GFPT2: variants seen among roughly 807,000 people sequenced by gnomAD.
The protein encoded by GFPT2 is glutamine--fructose-6-phosphate aminotransferase [isomerizing] 2.
Under a neutral mutation model 85.6 loss-of-function variants are expected in GFPT2, and 62 were observed. The observed-to-expected ratio is 0.72, with a 90% confidence interval of 0.59 to 0.90. The LOEUF (loss-of-function observed/expected upper bound fraction) is 0.90. GFPT2 is among the 40% of genes least tolerant of loss of function. The pLI is 0.00. For missense variants in GFPT2, 788 were observed against 893.4 expected, an observed-to-expected ratio of 0.88 and a Z score of 1.50; for synonymous variants, 368 against 344.5, an observed-to-expected ratio of 1.07 and a Z score of -0.75.
chr5:180,322,529 G>A (rs1764139072), intron 9 of GFPT2, among the ~76,000 whole-genome samples: 1 of 152,142 alleles, frequency 6.6e-6, no homozygotes, highest in Non-Finnish European at 1.5e-5. Context: ...GGTCACGTGA[G>A]GTGACACCTG....
intron 16 of GFPT2, among the ~76,000 whole-genome samples, chr5:180,306,641 C>T (rs921095875): frequency 4.6e-5 from 7 of 152,158 alleles, no homozygotes; most frequent in Non-Finnish European, 7.3e-5. Flanking sequence ...TTAATTCCTG[C>T]AGGATCTCAA....
chr5:180,320,647 C>T (rs1764100660), intron 9 of GFPT2, among the ~76,000 whole-genome samples: 1 of 152,150 alleles, frequency 6.6e-6, no homozygotes. Context: ...GTGGCGGGCA[C>T]CTGTAATCCC....
chr5:180,336,449 GCT>G, intron 3 of GFPT2, 28 bp downstream of exon 3: 1 of 1,216,038 alleles, frequency 8.2e-7, no homozygotes, highest in Non-Finnish European at 1.2e-6. Flanking sequence ...CGCTGCAGCG[GCT>G]CCTCCCACTC....
chr5:180,317,824 T>C (rs992344030), intron 10 of GFPT2, among the ~76,000 whole-genome samples: 1 of 150,646 alleles, frequency 6.6e-6, no homozygotes, highest in African/African-American at 2.4e-5. Context: ...TTGAGTGGGA[T>C]TGGATGGTGC....
Position 180,302,560 on chromosome 5 carries a change from T to C in GFPT2, c.1867A>G (p.Lys623Glu), listed in dbSNP as rs760774871. 5 of 1,613,940 alleles carry C rather than the reference T, an allele frequency of 3.1e-6. No homozygotes were observed. In the East Asian group the frequency reaches 1.1e-4, roughly 36 times the overall value. The change falls in exon 18 of 19, where the codon AAG (lysine) becomes GAG (glutamate). Residue 623 changes from lysine to glutamate, a missense_variant. Transcript: ENST00000253778. ...AACTTGGAACTTTCAGTATCGTCCTTGGAGCACAGTATAATGGGGCGACCC... is the reference window on the plus strand; with the variant it reads ...AACTTGGAACTTTCAGTATCGTCCTCGGAGCACAGTATAATGGGGCGACCC... ...RQGRPIILCS[K>E]DDTESSKFAY...
chr5:180,305,680 C>A lies in GFPT2; in HGVS notation c.1675-741G>T, dbSNP rs62404923. Among the ~76,000 whole-genome samples, 1,245 of 152,164 alleles carry A rather than the reference C, an allele frequency of 8.2e-3. 40 individuals carry two copies. In the East Asian group the frequency reaches 0.094, roughly 12 times the overall value. ...CGCTTCTTCCTTCAGCAGACTCATG[C>A]GGAGGCATAGCTGCAATGTGCATCT... On this transcript the variant is annotated intron_variant, in intron 16 of 18. Coordinates refer to ENST00000253778, the MANE Select transcript of GFPT2 (RefSeq NM_005110.4).
At position 180,312,416 on chromosome 5, in the gene GFPT2, A is replaced by AT. The variant is rs1296833750; in HGVS notation, c.1546+13dup. 3.0e-6 allele frequency: 4 copies of AT among 1,347,958 alleles called. No individual in the cohort carries two copies. The South Asian group carries it at 4.7e-5, about 16-fold the overall frequency. 83.5% of individuals were successfully genotyped at this position (1,347,958 alleles called of 1,614,324 possible). ...TAGATCTGAAAACATGGAAAGCTGA[A>AT]TTCTAGAACATACCAGGTAAAGATC... On this transcript the variant is annotated intron_variant, in intron 15 of 18. Transcript: ENST00000253778.
At chr5:180,340,296 T>C (rs1764487240) in intron 1 of GFPT2, among the ~76,000 whole-genome samples, 1 of 152,034 alleles carries the variant, frequency 6.6e-6, no homozygotes, top group African/African-American at 2.4e-5. Flanking sequence ...AACCTCCGCC[T>C]CCCGGGTTCA....
chr5:180,353,276 G>A lies in GFPT2; in HGVS notation c.-59C>T, dbSNP rs1764754062. On this transcript the variant is annotated 5_prime_UTR_variant, in exon 1 of 19. Transcript: ENST00000253778. ...GGGGGTCTGCCCGTTCGGACGCTGGGGCTCCTCCGTGGGCTCCTCCGTGGG... is the reference window on the plus strand; with the variant it reads ...GGGGGTCTGCCCGTTCGGACGCTGGAGCTCCTCCGTGGGCTCCTCCGTGGG... 2.4e-6 allele frequency: 3 copies of A among 1,231,650 alleles called. No homozygotes were observed. The highest frequency in any genetic ancestry group is 4.2e-5 in the Admixed American group (1 of 23,596). The allele number at this position is 1,231,650 out of a possible 1,614,324, so 76.3% of individuals were successfully genotyped here. A position where few individuals can be genotyped will look rare whatever the true frequency, so the allele number is the denominator to read the frequency against.
At chr5:180,307,154 G>C in intron 16 of GFPT2, 22 bp downstream of exon 16, 16 of 960,118 alleles carry the variant, frequency 1.7e-5, no homozygotes, top group Non-Finnish European at 2.1e-5. Context: ...CGTGGGGGTG[G>C]GGGCTGGGGG....
In GFPT2 at chr5:180,315,333, A is replaced by G. The variant is rs533365792; in HGVS notation, c.1273+1008T>C. Among the ~76,000 whole-genome samples, 22 of 151,998 alleles carry G rather than the reference A, an allele frequency of 1.4e-4. No homozygotes were observed. In the South Asian group the frequency reaches 4.2e-3, roughly 29 times the overall value. ...GCCGGGACTACAGGCGCCCGCCACC[A>G]CGCCCGGCTAATTGTTTTATATTTT... On this transcript the variant is annotated intron_variant, in intron 13 of 18. Transcript: ENST00000253778.
In GFPT2 at chr5:180,301,043, A is replaced by G. The variant is rs1581363066; in HGVS notation, c.*521T>C. On this transcript the variant is annotated 3_prime_UTR_variant, in exon 19 of 19. Transcript: ENST00000253778. The stretch of plus-strand genomic sequence containing the variant: ...TTCAGGAGCAGCCTAGAGAGGAAAG[A>G]AAAGGAGAAAGGAGTCCAGAGGGCC... 6.4e-6 allele frequency: 1 copy of G among 155,736 alleles called. No homozygotes were observed. Among genetic ancestry groups the G allele is most frequent in the East Asian group, 1.9e-4 (1 of 5,244 alleles). The allele number at this position is 155,736 out of a possible 1,614,324, so 9.6% of individuals were successfully genotyped here.
At chr5:180,335,205 T>C (rs942127061) in intron 4 of GFPT2, among the ~76,000 whole-genome samples, 1 of 152,236 alleles carries the variant, frequency 6.6e-6, no homozygotes, top group African/African-American at 2.4e-5. Flanking sequence ...TTATGCACAG[T>C]GGTTCTCAAC....
intron 15 of GFPT2, among the ~76,000 whole-genome samples, chr5:180,310,419 T>G (rs1247837761): frequency 2.1e-5 from 3 of 142,846 alleles, no homozygotes; most frequent in African/African-American, 7.9e-5. Context: ...GCCATTCTTT[T>G]TTGTTTTTTG....
chr5:180,316,074 G>T (rs1764000284), intron 13 of GFPT2, among the ~76,000 whole-genome samples: 1 of 152,232 alleles, frequency 6.6e-6, no homozygotes, highest in African/African-American at 2.4e-5. Flanking sequence ...AGAAGAGGGA[G>T]AAGCCACGGG....
At chr5:180,316,512 G>T in intron 12 of GFPT2, 51 bp from the exon 13 acceptor site, 3 of 1,605,292 alleles carry the variant, frequency 1.9e-6, no homozygotes, top group South Asian at 1.1e-5. Flanking sequence ...AGGCACGACA[G>T]GGACATGGGG....
Position 180,330,414 on chromosome 5 carries a change from C to T in GFPT2, c.534+286G>A, listed in dbSNP as rs1403252539. ...CTCACGTGTGCATCATAAAAAGCCA[C>T]GGACTCTAATGCCAGTCACAATTTC... On this transcript the variant is annotated intron_variant, in intron 6 of 18. Coordinates refer to ENST00000253778, the MANE Select transcript of GFPT2 (RefSeq NM_005110.4). The surrounding 1 kb of genome is among the most constrained non-coding windows in gnomAD (Gnocchi z 4.4). Among the ~76,000 whole-genome samples the T allele has an allele frequency of 2.0e-5, 3 of 152,322 alleles. No homozygotes were observed. The highest frequency in any genetic ancestry group is 2.1e-4 in the South Asian group (1 of 4,830).
At chr5:180,325,204 C>T (rs1009875800) in intron 7 of GFPT2, among the ~76,000 whole-genome samples, 2 of 152,104 alleles carry the variant, frequency 1.3e-5, no homozygotes, top group Non-Finnish European at 2.9e-5. Context: ...GGTTAGATGG[C>T]GGAGGCTGAG....
At chr5:180,343,022 C>T (rs1764548395) in intron 1 of GFPT2, among the ~76,000 whole-genome samples, 2 of 152,160 alleles carry the variant, frequency 1.3e-5, no homozygotes, top group Admixed American at 1.3e-4. Context: ...GAGGGAACAA[C>T]TCAATAAAAT....
Sources: gnomAD v4.1 joint callset for allele counts (sites outside exome capture counted in the v4.1 genomes callset) on GRCh38, gnomAD v4.1.1 for gene constraint, Gnocchi (gnomAD v3.1) non-coding constraint, MANE v1.5 for transcripts, NCBI Gene and HGNC (gene_info 2026-07-23, HGNC 2026-07-21) for gene names.